The following LRMDA variants were observed in gnomAD, a reference collection of about 807,000 sequenced individuals.
LRMDA encodes leucine-rich melanocyte differentiation-associated protein.
Under a neutral mutation model 29.8 loss-of-function variants are expected in LRMDA, and 18 were observed. The ratio of observed to expected loss-of-function variants is 0.60; its 90% CI spans 0.42 to 0.90. The LOEUF (loss-of-function observed/expected upper bound fraction) is 0.90, where lower values mean the gene tolerates loss of function less well. LRMDA is among the 40% of genes least tolerant of loss of function. The pLI is 0.00. For synonymous variants in LRMDA, 125 were observed against 109.4 expected, an observed-to-expected ratio of 1.14 and a Z score of -0.89; for missense variants, 273 against 273.9, an observed-to-expected ratio of 1.00 and a Z score of 0.02.
intron 2 of LRMDA, among the ~76,000 whole-genome samples, chr10:75,983,120 G>A (rs1169105403): frequency 6.6e-6 from 1 of 152,116 alleles, no homozygotes. Flanking sequence ...AGGCAGGGGG[G>A]AGCTCGGGTT....
chr10:75,782,914 A>G (rs1843409739), intron 2 of LRMDA: 2 of 1,610,452 alleles, frequency 1.2e-6, no homozygotes, highest in East Asian at 2.2e-5. Context: ...TCTTGCCAAC[A>G]GTGGCATCTG....
At chr10:76,179,390 A>C (rs969913383) in intron 5 of LRMDA, among the ~76,000 whole-genome samples, 2 of 151,534 alleles carry the variant, frequency 1.3e-5, no homozygotes, top group Admixed American at 1.3e-4. Context: ...AGGCCTAGAG[A>C]GTGGAGGTGT....
chr10:76,129,014 A>C (rs890003510), intron 5 of LRMDA, among the ~76,000 whole-genome samples: 1 of 152,198 alleles, frequency 6.6e-6, no homozygotes, highest in African/African-American at 2.4e-5. Flanking sequence ...TAAATAATTT[A>C]AATACAATTT....
chr10:75,849,730 C>T (rs1303615359), intron 2 of LRMDA, among the ~76,000 whole-genome samples: 1 of 152,094 alleles, frequency 6.6e-6, no homozygotes, highest in African/African-American at 2.4e-5. Flanking sequence ...AACAAACTTG[C>T]ACATCCTGTA....
chr10:76,333,021 G>A (rs917622791), intron 6 of LRMDA, among the ~76,000 whole-genome samples: 8 of 152,320 alleles, frequency 5.3e-5, no homozygotes, highest in Middle Eastern at 3.4e-3. Context: ...AGCGTGCAAT[G>A]TAGGTGAGAC....
chr10:76,307,277 T>C (rs1207520761), intron 5 of LRMDA, among the ~76,000 whole-genome samples: 1 of 152,042 alleles, frequency 6.6e-6, no homozygotes, highest in Non-Finnish European at 1.5e-5. Flanking sequence ...CAAGACCTCG[T>C]GGGGAGGGTT....
chr10:76,056,268 G>A (rs909480522), intron 4 of LRMDA, among the ~76,000 whole-genome samples: 2 of 152,194 alleles, frequency 1.3e-5, no homozygotes. Context: ...GGGCATCAGA[G>A]GAAAGGAAGT....
At chr10:76,345,854 A>G (rs1327881083) in intron 6 of LRMDA, among the ~76,000 whole-genome samples, 1 of 152,226 alleles carries the variant, frequency 6.6e-6, no homozygotes, top group Non-Finnish European at 1.5e-5. Context: ...TAAAATACAT[A>G]CAAAAATTAT....
intron 2 of LRMDA, among the ~76,000 whole-genome samples, chr10:75,521,339 C>A (rs1845354983): frequency 6.6e-6 from 1 of 152,246 alleles, no homozygotes; most frequent in South Asian, 2.1e-4. Context: ...GGCAGTAGGC[C>A]TTGCTGAGCT....
intron 2 of LRMDA, among the ~76,000 whole-genome samples, chr10:75,572,688 C>G (rs909623797): frequency 1.3e-5 from 2 of 152,172 alleles, no homozygotes; most frequent in African/African-American, 4.8e-5. Context: ...AGAATTCTAG[C>G]TGATAGCTAT....
At position 75,789,604 on chromosome 10, in the gene LRMDA, T is replaced by A. The variant is rs145127833; in HGVS notation, c.132-246404T>A. On this transcript the variant is annotated intron_variant, in intron 2 of 6. Coordinates refer to ENST00000611255, the MANE Select transcript of LRMDA (RefSeq NM_001305581.2). The stretch of plus-strand genomic sequence containing the variant: ...TATATTATAAATATATTTAAAATCA[T>A]CTTTATGACAATTCAGTTATGTTTC... Among the ~76,000 whole-genome samples, 796 of 152,352 alleles carry A rather than the reference T, an allele frequency of 5.2e-3. 11 individuals carry two copies. The highest frequency in any genetic ancestry group is 0.018 in the African/African-American group (765 of 41,570).
intron 1 of LRMDA, among the ~76,000 whole-genome samples, chr10:75,437,805 A>G (rs148922579): frequency 6.6e-6 from 1 of 152,330 alleles, no homozygotes; most frequent in African/African-American, 2.4e-5. Context: ...CCCCGGACAC[A>G]CATTGTTGCC....
chr10:76,387,812 G>C (rs1484155926), intron 6 of LRMDA, among the ~76,000 whole-genome samples: 1 of 152,148 alleles, frequency 6.6e-6, no homozygotes, highest in Non-Finnish European at 1.5e-5. Flanking sequence ...GTGGGGAAAA[G>C]TACTAAAAGC....
chr10:76,222,738 C>T (rs1478305308), intron 5 of LRMDA, among the ~76,000 whole-genome samples: 3 of 152,140 alleles, frequency 2.0e-5, no homozygotes, highest in African/African-American at 7.2e-5. Flanking sequence ...ACTAGAAATA[C>T]CATTTGACCC....
At chr10:76,505,459 T>A (rs544112227) in intron 6 of LRMDA, among the ~76,000 whole-genome samples, 5 of 152,226 alleles carry the variant, frequency 3.3e-5, no homozygotes, top group South Asian at 2.1e-4. Flanking sequence ...GTTCATTTTT[T>A]AAAAATTATT....
At chr10:75,609,737 G>T (rs996533039) in intron 2 of LRMDA, among the ~76,000 whole-genome samples, 4 of 152,204 alleles carry the variant, frequency 2.6e-5, no homozygotes, top group Non-Finnish European at 5.9e-5. Flanking sequence ...CATGATGTGA[G>T]CCTCAGGTGG....
chr10:76,344,956 A>G (rs1841085080), intron 6 of LRMDA, among the ~76,000 whole-genome samples: 2 of 151,748 alleles, frequency 1.3e-5, no homozygotes, highest in Admixed American at 1.3e-4. Context: ...GATAACTCAT[A>G]ATTCAGAAAC....
intron 2 of LRMDA, among the ~76,000 whole-genome samples, chr10:76,023,002 A>G (rs1319194189): frequency 6.6e-6 from 1 of 150,816 alleles, no homozygotes. Flanking sequence ...GTTAATGTCT[A>G]CTCTCGGTAT....
At chr10:75,937,051 T>C (rs1303006749) in intron 2 of LRMDA, among the ~76,000 whole-genome samples, 1 of 152,174 alleles carries the variant, frequency 6.6e-6, no homozygotes, top group East Asian at 1.9e-4. Flanking sequence ...CTCATATAGT[T>C]TTTACTTTTG....
Sources: allele counts gnomAD v4.1 joint callset (sites outside exome capture counted in the v4.1 genomes callset), GRCh38; gene constraint gnomAD v4.1.1; transcripts MANE v1.5; gene names NCBI Gene and HGNC (gene_info 2026-07-23, HGNC 2026-07-21).